The following ACOT11 variants were observed in gnomAD, a reference collection of about 807,000 sequenced individuals.
ACOT11 encodes the protein acyl-coenzyme A thioesterase 11.
Under a neutral mutation model 77.5 loss-of-function variants are expected in ACOT11, and 69 were observed. The observed-to-expected ratio is 0.89, with a 90% CI of 0.73 to 1.09. ACOT11 has a LOEUF of 1.09. ACOT11 is among the 50% of genes least tolerant of loss of function. The probability of loss-of-function intolerance (pLI) is 0.00; values close to 1 mark genes in which losing one functional copy is unlikely to be tolerated. For synonymous variants in ACOT11, 279 were observed against 313.0 expected (o/e 0.89, Z 1.15); for missense variants, 766 against 813.7 (o/e 0.94, Z 0.71).
chr1:54,591,474 G>A (rs1185418587), intron 3 of ACOT11, among the ~76,000 whole-genome samples: 1 of 152,228 alleles, frequency 6.6e-6, no homozygotes, highest in African/African-American at 2.4e-5. Context: ...CCCTTGGAAT[G>A]GACCCTTCCT....
chr1:54,634,519 A>G (rs936817634), intron 16 of ACOT11, among the ~76,000 whole-genome samples: 1 of 152,228 alleles, frequency 6.6e-6, no homozygotes, highest in Non-Finnish European at 1.5e-5. Context: ...ATGATTTCAT[A>G]CCGATGAACA....
At chr1:54,569,201 A>G (rs985281348) in intron 1 of ACOT11, among the ~76,000 whole-genome samples, 7 of 151,660 alleles carry the variant, frequency 4.6e-5, no homozygotes, top group Admixed American at 2.0e-4. Flanking sequence ...GCTTCAAGCA[A>G]TCCTCCTGCC....
intron 16 of ACOT11, among the ~76,000 whole-genome samples, chr1:54,631,143 G>T (rs181262424): frequency 6.6e-6 from 1 of 151,984 alleles, no homozygotes; most frequent in Non-Finnish European, 1.5e-5. Flanking sequence ...TTTCTTTTCC[G>T]GAGGACACTG....
At chr1:54,585,978 T>G in intron 3 of ACOT11, 74 bp downstream of exon 3, 1 of 1,504,434 alleles carries the variant, frequency 6.6e-7, no homozygotes, top group Non-Finnish European at 9.2e-7. Flanking sequence ...CCTGACTCCC[T>G]GCCTGGTCAG....
intron 1 of ACOT11, among the ~76,000 whole-genome samples, chr1:54,553,529 G>T (rs1323975204): frequency 2.0e-5 from 3 of 151,582 alleles, no homozygotes; most frequent in African/African-American, 7.3e-5. Flanking sequence ...ATGTACAAAT[G>T]ATGTTTTGAA....
chr1:54,584,887 C>T lies in ACOT11; in HGVS notation c.241+25C>T, dbSNP rs1258885475. The T allele has an allele frequency of 6.3e-7, 1 of 1,593,704 alleles. No individual in the cohort carries two copies. The highest frequency in any genetic ancestry group is 1.7e-5 in the Admixed American group (1 of 57,898). On this transcript the variant is annotated intron_variant, in intron 2 of 15. Coordinates refer to ENST00000343744, the MANE Select transcript of ACOT11 (RefSeq NM_147161.4). This position sits in a 1 kb window ranked among gnomAD's most constrained non-coding sequence, Gnocchi z 6.3. ...GGTAAGGCTGCGCTCCCCATGGTTC[C>T]CTACCTGCCCCACAGGCCCAGAGCA... is the stretch of plus-strand genomic sequence containing the variant.
intron 3 of ACOT11, among the ~76,000 whole-genome samples, chr1:54,589,061 G>C (rs12095558): frequency 0.069 from 10,469 of 152,128 alleles, 1,090 homozygotes; most frequent in African/African-American, 0.22. Context: ...CTGTCTCCCA[G>C]GCCGGAGTGC....
At chr1:54,612,458 G>A, downstream of ACOT11, 1 of 1,549,754 alleles carries the variant, frequency 6.5e-7, no homozygotes. Flanking sequence ...GCCTCCAGGA[G>A]GGTGGGGGTG....
At chr1:54,635,083 C>A (rs11206400) in exon 17 of ACOT11, 15,445 of 304,846 alleles carry the variant, frequency 0.051, 496 homozygotes, top group Middle Eastern at 0.13. Flanking sequence ...CATAATAAAT[C>A]GGCTCCTATA....
intron 9 of ACOT11, 141 bp downstream of exon 9, chr1:54,601,554 G>A (rs1442914430): frequency 3.1e-6 from 4 of 1,303,698 alleles, no homozygotes; most frequent in Non-Finnish European, 3.1e-6. Flanking sequence ...ACAGCCAGCT[G>A]AGTGTCCTGG....
At position 54,623,172 on chromosome 1, in the gene ACOT11, C is replaced by T. The variant is rs146895806; in HGVS notation, c.1630-7562C>T. ...AGCCTGGGCAACAAGAGCAAAACTC[C>T]GTCTAAAAAAAAAAAAGGGACTGGT... On this transcript the variant is annotated intron_variant, in intron 15 of 16. Coordinates refer to the ACOT11 transcript ENST00000371316. 6.4e-4 allele frequency: 475 copies of T among 746,922 alleles called. 2 individuals carry two copies. In the African/African-American group the frequency reaches 7.5e-3, roughly 12 times the overall value. The allele number at this position is 746,922 out of a possible 1,614,324, so 46.3% of individuals were successfully genotyped here.
chr1:54,559,461 T>C (rs943784851), intron 1 of ACOT11, among the ~76,000 whole-genome samples: 1 of 152,238 alleles, frequency 6.6e-6, no homozygotes, highest in African/African-American at 2.4e-5. Flanking sequence ...CTCACTCACC[T>C]CACCTCTGTG....
exon 17 of ACOT11, chr1:54,636,569 C>T (rs1451063877): frequency 1.3e-5 from 2 of 152,196 alleles, no homozygotes; most frequent in African/African-American, 4.8e-5. Context: ...CATTCCATTG[C>T]CCAGAGACGA....
intron 6 of ACOT11, among the ~76,000 whole-genome samples, chr1:54,595,192 C>G (rs1654855628): frequency 6.6e-6 from 1 of 151,920 alleles, no homozygotes; most frequent in Non-Finnish European, 1.5e-5. Flanking sequence ...ACTAAAAATA[C>G]AAAATTAGCT....
chr1:54,620,725 T>A (rs1437199823), intron 15 of ACOT11, among the ~76,000 whole-genome samples: 1 of 150,988 alleles, frequency 6.6e-6, no homozygotes, highest in Non-Finnish European at 1.5e-5. Flanking sequence ...GGCAGGAGCC[T>A]GTAATCCCAG....
chr1:54,581,727 G>A (rs1035935512), intron 1 of ACOT11, among the ~76,000 whole-genome samples: 11 of 152,190 alleles, frequency 7.2e-5, no homozygotes, highest in South Asian at 4.1e-4. Context: ...CTCTTGGCTC[G>A]GCCTGCCTGG....
intron 3 of ACOT11, among the ~76,000 whole-genome samples, chr1:54,586,919 C>G (rs1440308247): frequency 6.6e-6 from 1 of 152,124 alleles, no homozygotes; most frequent in African/African-American, 2.4e-5. Context: ...TGGGCCTGAT[C>G]CTAAACTCAC....
At position 54,609,705 on chromosome 1, in the gene ACOT11, CAGGCCAATGCAAGAGGCCAAGGCTGGAG is replaced by C; in HGVS notation, c.*598_*625del. The C allele has an allele frequency of 3.7e-6, 6 of 1,614,126 alleles. No homozygotes were observed. The highest frequency in any genetic ancestry group is 5.1e-6 in the Non-Finnish European group (6 of 1,180,034). Reference sequence around the variant, plus strand: ...TGGGAGATTTTGGCCCCAACCCACACAGGCCAATGCAAGAGGCCAAGGCTGGAGAGGCGTGCCAGCAAGGCCAGGGATG... The same window carrying C: ...TGGGAGATTTTGGCCCCAACCCACACAGGCGTGCCAGCAAGGCCAGGGATG... On this transcript the variant is annotated 3_prime_UTR_variant, in exon 16 of 16. Transcript: ENST00000343744.
At position 54,594,693 on chromosome 1, in the gene ACOT11, T is replaced by A. The variant is rs1163043292; in HGVS notation, c.607+2T>A. On this transcript the variant is annotated splice_donor_variant, in intron 6 of 15. Transcript: ENST00000343744. LOFTEE classifies it high-confidence loss of function. ...TGGCCAACTGCGCCATTCAGGGCGG[T>A]GAGCAGCTGCCAGCTGTGCATGGGG... 1 of 1,608,736 alleles carries A rather than the reference T, an allele frequency of 6.2e-7. No individual in the cohort carries two copies. The highest frequency in any genetic ancestry group is 1.7e-5 in the Admixed American group (1 of 59,726).
Sources: gnomAD v4.1 joint callset for allele counts (sites outside exome capture counted in the v4.1 genomes callset) on GRCh38, gnomAD v4.1.1 for gene constraint, Gnocchi (gnomAD v3.1) non-coding constraint, MANE v1.5 for transcripts, NCBI Gene and HGNC (gene_info 2026-07-23, HGNC 2026-07-21) for gene names.